The following SASH1 variants were observed in gnomAD, a reference collection of about 807,000 sequenced individuals.
The protein encoded by SASH1 is SAM and SH3 domain-containing protein 1.
A neutral mutation model predicts 125.2 loss-of-function variants in SASH1; 44 were observed. The ratio of observed to expected loss-of-function variants is 0.35; its 90% CI spans 0.28 to 0.45. The LOEUF (loss-of-function observed/expected upper bound fraction) is 0.45. Ranked by LOEUF, SASH1 falls within the 20% of genes least tolerant of loss-of-function variation. The pLI is 1.00. For synonymous variants in SASH1, 639 were observed against 649.1 expected, an observed-to-expected ratio of 0.98 and a Z score of 0.24; for missense variants, 1,426 against 1,614.5, an observed-to-expected ratio of 0.88 and a Z score of 2.00.
intron 1 of SASH1, among the ~76,000 whole-genome samples, chr6:148,310,405 C>T (rs1341626793): frequency 7.5e-6 from 1 of 134,094 alleles, no homozygotes. Flanking sequence ...GGTGCTGGAA[C>T]AATAGGACAT....
chr6:148,548,565 C>T lies in SASH1; in HGVS notation c.*7C>T. 1 of 1,583,376 alleles carries T rather than the reference C, an allele frequency of 6.3e-7. No individual in the cohort carries two copies. The highest frequency in any genetic ancestry group is 8.6e-7 in the Non-Finnish European group (1 of 1,166,496). On this transcript the variant is annotated 3_prime_UTR_variant, in exon 20 of 20. Coordinates refer to ENST00000367467, the MANE Select transcript of SASH1 (RefSeq NM_015278.5). The stretch of plus-strand genomic sequence containing the variant: ...AGGCCCTGAGGCCATGTAGCCAGGC[C>T]CGGAATGGGCCTCTCTGGACAAGAG...
At chr6:148,436,598 A>G (rs745710794) in intron 2 of SASH1, among the ~76,000 whole-genome samples, 11 of 152,218 alleles carry the variant, frequency 7.2e-5, no homozygotes, top group Non-Finnish European at 1.2e-4. Flanking sequence ...TACTCTTGCA[A>G]CCCAGCATCC....
intron 1 of SASH1, among the ~76,000 whole-genome samples, chr6:148,282,994 A>G (rs934168597): frequency 6.6e-6 from 1 of 152,180 alleles, no homozygotes; most frequent in Admixed American, 6.5e-5. Context: ...TCAGGAATAC[A>G]TCCATGTATC....
At chr6:148,234,421 T>G in the SASH1 span, among the ~76,000 whole-genome samples, 1 of 152,072 alleles carries the variant, frequency 6.6e-6, no homozygotes, top group African/African-American at 2.4e-5. Flanking sequence ...ATTTGGCTTC[T>G]ATCACTGAGG....
At position 148,527,496 on chromosome 6, in the gene SASH1, C is replaced by T. The variant is rs1781248564; in HGVS notation, c.1328C>T (p.Pro443Leu). 6.2e-7 allele frequency: 1 copy of T among 1,609,618 alleles called. No individual in the cohort carries two copies. The highest frequency in any genetic ancestry group is 8.5e-7 in the Non-Finnish European group (1 of 1,178,554). ...DFVYKEVIKS[P>L]TASRISLGKK... ...GTGTACAAAGAAGTCATCAAATCAC[C>T]TACTGCCTCTCGCATCTCTCTTGGG... Residue 443 changes from proline to leucine, a missense_variant, in exon 12 of 20, where the codon CCT becomes CTT. Transcript: ENST00000367467.
intron 1 of SASH1, among the ~76,000 whole-genome samples, chr6:148,304,165 G>A (rs1220841022): frequency 2.0e-5 from 3 of 152,270 alleles, no homozygotes; most frequent in East Asian, 1.9e-4. Context: ...ATGGCTGGGC[G>A]CAGTGGCTCA....
intron 2 of SASH1, among the ~76,000 whole-genome samples, chr6:148,436,597 A>C (rs1224665956): frequency 6.6e-6 from 1 of 152,222 alleles, no homozygotes; most frequent in Non-Finnish European, 1.5e-5. Context: ...TTACTCTTGC[A>C]ACCCAGCATC....
chr6:148,396,478 G>GAAAA (rs61277112), intron 2 of SASH1, among the ~76,000 whole-genome samples: 785 of 63,434 alleles, frequency 0.012, no homozygotes, highest in Non-Finnish European at 0.015. Context: ...CTGCATCTCA[G>GAAAA]AAAAAAAAAA....
the SASH1 span, among the ~76,000 whole-genome samples, chr6:148,234,995 T>C: frequency 6.6e-6 from 1 of 152,218 alleles, no homozygotes; most frequent in Admixed American, 6.5e-5. Flanking sequence ...AGTAGAATAG[T>C]ATCCATTTTG....
rs141140730 is a variant in SASH1, at chr6:148,548,399, C to T, written c.3585C>T (p.Ala1195=). 95 of 1,614,050 alleles carry T rather than the reference C, an allele frequency of 5.9e-5. No homozygotes were observed. Among genetic ancestry groups the T allele is most frequent in the Admixed American group, 8.3e-5 (5 of 60,002 alleles). The part of the protein sequence containing the change: ...WLISIGLPMY[A]GTLSTAGFST... ...TTTCCATCGGTCTGCCCATGTACGC[C>T]GGCACCCTCTCCACCGCGGGCTTCA... is the stretch of plus-strand genomic sequence containing the variant. The change falls in exon 20 of 20, where the codon GCC becomes GCT. Residue 1195 remains alanine (A), a synonymous_variant. Coordinates refer to ENST00000367467, the MANE Select transcript of SASH1 (RefSeq NM_015278.5).
chr6:148,199,564 G>C, the SASH1 span, among the ~76,000 whole-genome samples: 58 of 152,042 alleles, frequency 3.8e-4, no homozygotes, highest in African/African-American at 1.4e-3. Flanking sequence ...TAGATGTGAT[G>C]GTGCACACCT....
At chr6:148,547,840 G>A (rs1206959539) in intron 19 of SASH1, among the ~76,000 whole-genome samples, 1 of 152,092 alleles carries the variant, frequency 6.6e-6, no homozygotes, top group Admixed American at 6.5e-5. Context: ...AACTTGTATT[G>A]ACTAAACATG....
chr6:148,387,648 CT>C (rs1554249438), intron 1 of SASH1, among the ~76,000 whole-genome samples: 1 of 46,934 alleles, frequency 2.1e-5, no homozygotes, highest in African/African-American at 9.4e-5. Context: ...TTCTTTCTTT[CT>C]TTCTTTCTTT....
intron 1 of SASH1, among the ~76,000 whole-genome samples, chr6:148,299,293 T>G (rs79345124): frequency 9.1e-4 from 137 of 150,346 alleles, no homozygotes; most frequent in Non-Finnish European, 1.6e-3. Flanking sequence ...ACAAAGATTT[T>G]TTTTGTAATG....
rs1180845651 is a variant in SASH1 at position 148,529,126 on chromosome 6, A to C, written c.1428+1530A>C. Among the ~76,000 whole-genome samples, 2 of 152,134 alleles carry C rather than the reference A, an allele frequency of 1.3e-5. No individual in the cohort carries two copies. Among genetic ancestry groups the C allele is most frequent in the African/African-American group, 4.8e-5 (2 of 41,420 alleles). On this transcript the variant is annotated intron_variant, in intron 12 of 19. Transcript: ENST00000367467. This position sits in a 1 kb window ranked among gnomAD's most constrained non-coding sequence, Gnocchi z 4.2. ...GGAGAGTGGCTGTGAAAACAGATGA[A>C]GCTTGGCCTGCTCACCCGCCACTCA...
chr6:148,261,449 C>A, the SASH1 span, among the ~76,000 whole-genome samples: 1 of 152,166 alleles, frequency 6.6e-6, no homozygotes, highest in East Asian at 1.9e-4. Flanking sequence ...AATGGAAATG[C>A]AAACAGGGCA....
chr6:148,196,979 A>G, the SASH1 span, among the ~76,000 whole-genome samples: 1 of 152,206 alleles, frequency 6.6e-6, no homozygotes, highest in Non-Finnish European at 1.5e-5. Flanking sequence ...GAGTGATTGA[A>G]CAGGAAATGG....
the SASH1 span, among the ~76,000 whole-genome samples, chr6:148,219,964 T>C: frequency 9.8e-5 from 15 of 152,298 alleles, no homozygotes; most frequent in South Asian, 8.3e-4. Context: ...GTGGCAACTA[T>C]AGCAAAGGTG....
At chr6:148,400,845 C>T (rs1784140781) in intron 2 of SASH1, among the ~76,000 whole-genome samples, 1 of 152,180 alleles carries the variant, frequency 6.6e-6, no homozygotes, top group East Asian at 1.9e-4. Flanking sequence ...AGACCATTGC[C>T]CCCATTCCAG....
Sources: gnomAD v4.1 joint callset for allele counts (sites outside exome capture counted in the v4.1 genomes callset) on GRCh38, gnomAD v4.1.1 for gene constraint, Gnocchi (gnomAD v3.1) non-coding constraint, MANE v1.5 for transcripts, NCBI Gene and HGNC (gene_info 2026-07-23, HGNC 2026-07-21) for gene names.